Variants in ST7L observed in about 807,000 individuals in gnomAD.
ST7L encodes suppressor of tumorigenicity 7 protein-like.
In ST7L, 57 loss-of-function variants were observed where a neutral mutation model predicts 72.5. That is an observed-to-expected ratio of 0.79 (90% CI 0.64 to 0.98). The LOEUF (loss-of-function observed/expected upper bound fraction) is 0.98. Ranked by LOEUF, ST7L falls within the 50% of genes least tolerant of loss-of-function variation. The pLI, the probability that ST7L is intolerant of heterozygous loss-of-function variation, is 0.00. For synonymous variants in ST7L, 221 were observed against 240.9 expected, an observed-to-expected ratio of 0.92 and a Z score of 0.77; for missense variants, 576 against 672.2, an observed-to-expected ratio of 0.86 and a Z score of 1.58.
In ST7L at chr1:112,542,814, T is replaced by TGAA. The variant is rs1275686965; in HGVS notation, c.1490-727_1490-725dup. ...ACATTTGAGTTGCTACTTTTTTTTT[T>TGAA]GAAGAAGAAGAGTCTCGCTCTGTTG... On this transcript the variant is annotated intron_variant, in intron 13 of 14. Coordinates refer to ENST00000358039, the MANE Select transcript of ST7L (RefSeq NM_017744.5). Among the ~76,000 whole-genome samples, 765 of 151,932 alleles carry TGAA rather than the reference T, an allele frequency of 5.0e-3. 3 individuals carry two copies. The highest frequency in any genetic ancestry group is 0.01 in the African/African-American group (425 of 41,458).
downstream of ST7L, among the ~76,000 whole-genome samples, chr1:112,519,288 T>C (rs1395807073): frequency 6.6e-6 from 1 of 152,246 alleles, no homozygotes; most frequent in Non-Finnish European, 1.5e-5. Context: ...AACGTAAATA[T>C]TTTAAATTGA....
intron 4 of ST7L, among the ~76,000 whole-genome samples, chr1:112,599,073 A>AAAAAAAAAAAAT (rs1190968815): frequency 7.0e-5 from 4 of 56,994 alleles, no homozygotes; most frequent in Non-Finnish European, 9.3e-5. Context: ...AAAAAAAAAA[A>AAAAAAAAAAAAT]ATATATATAT....
chr1:112,568,871 T>A (rs201287916), intron 11 of ST7L, among the ~76,000 whole-genome samples: 77 of 105,884 alleles, frequency 7.3e-4, no homozygotes, highest in African/African-American at 2.0e-3. Context: ...AATATATATA[T>A]ATATATATAT....
At position 112,550,701 on chromosome 1, in the gene ST7L, A is replaced by G. The variant is rs777988336; in HGVS notation, c.1397-8T>C. 5.6e-6 allele frequency: 9 copies of G among 1,605,790 alleles called. No individual in the cohort carries two copies. The Admixed American group carries it at 1.3e-4, about 24-fold the overall frequency. On this transcript the variant is annotated splice_region_variant and splice_polypyrimidine_tract_variant and intron_variant, in intron 12 of 14. Transcript: ENST00000358039. ...ATGGAATCATTCTAAAAGCTGAGGAAAAAAAAGCATGTGTTGATACTCAAT... is the reference window on the plus strand; with the variant it reads ...ATGGAATCATTCTAAAAGCTGAGGAGAAAAAAGCATGTGTTGATACTCAAT...
chr1:112,553,380 C>T (rs1243413040), intron 12 of ST7L, among the ~76,000 whole-genome samples: 1 of 152,042 alleles, frequency 6.6e-6, no homozygotes, highest in Admixed American at 6.6e-5. Flanking sequence ...ACACTTGGCT[C>T]ATCAATTTTA....
chr1:112,577,059 C>T lies in ST7L; in HGVS notation c.1172G>A (p.Gly391Glu). Reference sequence around the variant, plus strand: ...GGCATTAATTTCTGCTGTGCTTAATCCTCTTCTGGAGGCTGTTTCTGGAGA... The same window carrying T: ...GGCATTAATTTCTGCTGTGCTTAATTCTCTTCTGGAGGCTGTTTCTGGAGA... ...KFSPETASRR[G>E]LSTAEINAVE... is the part of the protein sequence containing the mutation. Residue 391 changes from glycine (G) to glutamate (E), a missense_variant, in exon 11 of 15, where the codon GGA (glycine) becomes GAA (glutamate). By Grantham distance (98) the Gly-to-Glu change is moderately conservative. Coordinates refer to ENST00000358039, the MANE Select transcript of ST7L (RefSeq NM_017744.5). The T allele has an allele frequency of 6.2e-7, 1 of 1,606,480 alleles. No individual in the cohort carries two copies. Among genetic ancestry groups the T allele is most frequent in the African/African-American group, 1.3e-5 (1 of 74,832 alleles).
chr1:112,540,653 TG>T, intron 14 of ST7L: 1 of 1,183,526 alleles, frequency 8.4e-7, no homozygotes, highest in Non-Finnish European at 1.1e-6. Flanking sequence ...CTCTTACCAC[TG>T]GTGCCAGAAA....
chr1:112,551,751 G>A (rs534039941), intron 12 of ST7L, among the ~76,000 whole-genome samples: 2 of 152,240 alleles, frequency 1.3e-5, no homozygotes, highest in South Asian at 2.1e-4. Flanking sequence ...TATTCCATTA[G>A]CTAAGTACAT....
chr1:112,614,517 T>C (rs1669558686), intron 2 of ST7L, among the ~76,000 whole-genome samples: 1 of 152,258 alleles, frequency 6.6e-6, no homozygotes, highest in Non-Finnish European at 1.5e-5. Context: ...TTCTATTTTT[T>C]TTAGCCAAGA....
chr1:112,542,593 A>T (rs1198172733), intron 13 of ST7L, among the ~76,000 whole-genome samples: 1 of 151,926 alleles, frequency 6.6e-6, no homozygotes, highest in East Asian at 1.9e-4. Flanking sequence ...AAAATTTTTA[A>T]AAATTTTAAA....
At chr1:112,591,480 G>C (rs757846225) in intron 6 of ST7L, 45 bp downstream of exon 6, 1 of 1,530,872 alleles carries the variant, frequency 6.5e-7, no homozygotes, top group South Asian at 1.2e-5. Flanking sequence ...CATTTGCCTT[G>C]GTTTCCTTCA....
chr1:112,540,543 T>C (rs1655939370), intron 14 of ST7L: 3 of 985,322 alleles, frequency 3.0e-6, no homozygotes, highest in African/African-American at 1.7e-5. Context: ...TTCTTGAAGT[T>C]TGACCCAGAA....
chr1:112,579,529 G>A (rs781619562), intron 9 of ST7L, among the ~76,000 whole-genome samples: 21 of 151,728 alleles, frequency 1.4e-4, no homozygotes, highest in Non-Finnish European at 2.4e-4. Flanking sequence ...TTTAACAGTA[G>A]TTAAATCCAG....
At chr1:112,529,812 G>A (rs1654081360) in intron 14 of ST7L, 1 of 151,540 alleles carries the variant, frequency 6.6e-6, no homozygotes, top group Non-Finnish European at 1.5e-5. Context: ...TTCTATGGAG[G>A]TGGTACCTTC....
intron 12 of ST7L, among the ~76,000 whole-genome samples, chr1:112,554,951 G>A (rs1289366825): frequency 6.6e-6 from 1 of 152,160 alleles, no homozygotes; most frequent in African/African-American, 2.4e-5. Flanking sequence ...AGACAAAGTA[G>A]AATGGTGGCT....
At chr1:112,597,168 C>G (rs552562961) in intron 5 of ST7L, among the ~76,000 whole-genome samples, 1 of 152,150 alleles carries the variant, frequency 6.6e-6, no homozygotes, top group African/African-American at 2.4e-5. Context: ...TAGTATAGAA[C>G]TGCAGAAAAC....
At chr1:112,545,194 T>C (rs781144015) in intron 13 of ST7L, among the ~76,000 whole-genome samples, 4 of 152,104 alleles carry the variant, frequency 2.6e-5, no homozygotes, top group African/African-American at 7.2e-5. Flanking sequence ...TCTAAGAACA[T>C]AAAATATAAT....
At chr1:112,583,932 G>A (rs370971257) in intron 7 of ST7L, 40 bp downstream of exon 7, 19 of 1,573,906 alleles carry the variant, frequency 1.2e-5, no homozygotes, top group Middle Eastern at 1.7e-4. Context: ...GCAAATTACA[G>A]ATGCTAAAAG....
chr1:112,618,882 C>T (rs1213520607), intron 1 of ST7L, 27 bp downstream of exon 1: 1 of 1,550,404 alleles, frequency 6.4e-7, no homozygotes, highest in Admixed American at 2.0e-5. Flanking sequence ...GCCCCCCGCC[C>T]TGCCCCAGGA....
Sources: allele counts gnomAD v4.1 joint callset (sites outside exome capture counted in the v4.1 genomes callset), GRCh38; gene constraint gnomAD v4.1.1; transcripts MANE v1.5; gene names NCBI Gene and HGNC (gene_info 2026-07-23, HGNC 2026-07-21).